The following RGS8 variants were observed in gnomAD, a reference collection of about 807,000 sequenced individuals.
RGS8 encodes regulator of G-protein signaling 8.
A neutral mutation model predicts 21.7 loss-of-function variants in RGS8; 8 were observed. The ratio of observed to expected loss-of-function variants is 0.37; its 90% confidence interval spans 0.22 to 0.66. The LOEUF (loss-of-function observed/expected upper bound fraction) is 0.66. Among genes scored for constraint, RGS8 ranks in the 30% least tolerant of loss-of-function variants. The pLI is 0.59. For synonymous variants in RGS8, 80 were observed against 83.6 expected (o/e 0.96, Z 0.24); for missense variants, 157 against 217.9 (o/e 0.72, Z 1.76).
the RGS8 span, among the ~76,000 whole-genome samples, chr1:182,697,555 T>C: frequency 6.6e-6 from 1 of 152,238 alleles, no homozygotes; most frequent in African/African-American, 2.4e-5. Flanking sequence ...CTGACAACTG[T>C]AATCAAAATT....
the RGS8 span, among the ~76,000 whole-genome samples, chr1:182,743,996 T>C: frequency 6.6e-6 from 1 of 152,230 alleles, no homozygotes; most frequent in Non-Finnish European, 1.5e-5. Flanking sequence ...ATGTTTGTTA[T>C]CTGACTCTCC....
At chr1:182,730,768 A>G in the RGS8 span, among the ~76,000 whole-genome samples, 5 of 152,322 alleles carry the variant, frequency 3.3e-5, no homozygotes, top group South Asian at 8.3e-4. Flanking sequence ...CCTTGCAGAA[A>G]AAGTCCCTAG....
chr1:182,691,054 G>A, the RGS8 span, among the ~76,000 whole-genome samples: 1 of 152,202 alleles, frequency 6.6e-6, no homozygotes, highest in African/African-American at 2.4e-5. Flanking sequence ...AGACATGTGA[G>A]TGAGTTCATA....
chr1:182,707,459 CATCAAA>C, the RGS8 span, among the ~76,000 whole-genome samples: 1 of 152,160 alleles, frequency 6.6e-6, no homozygotes, highest in Non-Finnish European at 1.5e-5. Context: ...GTGGCAAAGG[CATCAAA>C]ATTTTATTTT....
intron 5 of RGS8, among the ~76,000 whole-genome samples, chr1:182,651,393 T>C (rs1427407962): frequency 6.6e-6 from 1 of 152,192 alleles, no homozygotes; most frequent in Non-Finnish European, 1.5e-5. Flanking sequence ...ATTTAGTAAA[T>C]TACATGAGCT....
At chr1:182,653,180 G>C (rs1392551271) in intron 5 of RGS8, among the ~76,000 whole-genome samples, 2 of 152,188 alleles carry the variant, frequency 1.3e-5, no homozygotes, top group Non-Finnish European at 2.9e-5. Flanking sequence ...CTGAGAAGCA[G>C]TCAGTAGATT....
In RGS8 at chr1:182,669,837, C is replaced by A; in HGVS notation, c.-103-85G>T. ...TTCCTCTCAGACGGGTTTCCGCCAG[C>A]GGAACACCTCCCCACACACATCCCC... On this transcript the variant is annotated intron_variant, in intron 2 of 6. Transcript: ENST00000483095. 3 of 1,394,398 alleles carry A rather than the reference C, an allele frequency of 2.2e-6. No homozygotes were observed. In the East Asian group the frequency reaches 7.8e-5, roughly 36 times the overall value. 86.4% of individuals were successfully genotyped at this position (1,394,398 alleles called of 1,614,324 possible).
the RGS8 span, among the ~76,000 whole-genome samples, chr1:182,742,628 A>C: frequency 2.0e-5 from 3 of 152,366 alleles, no homozygotes; most frequent in African/African-American, 7.2e-5. Context: ...AATCGCAGGC[A>C]CTCGGCAAGC....
At chr1:182,684,786 C>T (rs1317382332), upstream of RGS8, among the ~76,000 whole-genome samples, 1 of 151,710 alleles carries the variant, frequency 6.6e-6, no homozygotes, top group Admixed American at 6.6e-5. The surrounding 1 kb of genome is among the most constrained non-coding windows in gnomAD (Gnocchi z 4.2). Context: ...CAGGGAGAGG[C>T]AGAGTTCAGA....
chr1:182,667,284 C>T (rs1663919052), intron 3 of RGS8, among the ~76,000 whole-genome samples: 1 of 151,698 alleles, frequency 6.6e-6, no homozygotes, highest in Non-Finnish European at 1.5e-5. Context: ...AAAGAAAATA[C>T]AGTGACAACA....
At chr1:182,649,052 A>T (rs1396057661) in intron 5 of RGS8, among the ~76,000 whole-genome samples, 1 of 152,184 alleles carries the variant, frequency 6.6e-6, no homozygotes, top group Non-Finnish European at 1.5e-5. Flanking sequence ...GTGAGCCGAG[A>T]TCACGCCACT....
upstream of RGS8, among the ~76,000 whole-genome samples, chr1:182,688,501 G>A (rs781229830): frequency 1.1e-4 from 17 of 152,168 alleles, no homozygotes; most frequent in Non-Finnish European, 2.4e-4. Context: ...AAATGACCAC[G>A]CCCTAATCCT....
chr1:182,646,682 T>A, exon 7 of RGS8: 1 of 1,499,150 alleles, frequency 6.7e-7, no homozygotes, highest in Non-Finnish European at 9.1e-7. Flanking sequence ...AATATGATCT[T>A]GGCAGCAAGT....
upstream of RGS8, chr1:182,672,232 C>T (rs74128263): frequency 6.1e-3 from 1,067 of 174,276 alleles, 15 homozygotes; most frequent in African/African-American, 0.024. Context: ...GCTGCTGCAC[C>T]GGGAGTGGGG....
At chr1:182,737,622 C>T in the RGS8 span, among the ~76,000 whole-genome samples, 2 of 152,166 alleles carry the variant, frequency 1.3e-5, no homozygotes, top group Admixed American at 6.5e-5. Flanking sequence ...GATTGTGAGG[C>T]CTCCCCAGAC....
intron 6 of RGS8, among the ~76,000 whole-genome samples, chr1:182,647,788 C>A (rs1456247387): frequency 6.6e-6 from 1 of 152,154 alleles, no homozygotes; most frequent in Non-Finnish European, 1.5e-5. Flanking sequence ...AAAATTGAAA[C>A]AAGATTTCAA....
upstream of RGS8, among the ~76,000 whole-genome samples, chr1:182,687,954 C>T (rs574912852): frequency 4.6e-5 from 7 of 152,348 alleles, no homozygotes; most frequent in Admixed American, 1.3e-4. Context: ...TGGAAGACAT[C>T]TCAGACTACA....
At chr1:182,698,105 CCT>C in the RGS8 span, among the ~76,000 whole-genome samples, 1 of 152,156 alleles carries the variant, frequency 6.6e-6, no homozygotes, top group African/African-American at 2.4e-5. Flanking sequence ...GTGAGTTTCC[CCT>C]GTTTCTCCCT....
chr1:182,642,326 C>A (rs1662502919), downstream of RGS8: 1 of 152,288 alleles, frequency 6.6e-6, no homozygotes, highest in Non-Finnish European at 1.5e-5. Flanking sequence ...CAAAGGGATG[C>A]AGATTTAAAG....
Sources: allele counts gnomAD v4.1 joint callset (sites outside exome capture counted in the v4.1 genomes callset), GRCh38; gene constraint gnomAD v4.1.1; non-coding constraint Gnocchi (gnomAD v3.1); transcripts MANE v1.5; gene names NCBI Gene and HGNC (gene_info 2026-07-23, HGNC 2026-07-21).